ARVCF: variants seen among roughly 807,000 people sequenced by gnomAD.
The protein encoded by ARVCF is splicing regulator ARVCF.
A neutral mutation model predicts 90.9 loss-of-function variants in ARVCF; 66 were observed. The ratio of observed to expected loss-of-function variants is 0.73; its 90% CI spans 0.60 to 0.89. ARVCF has a LOEUF of 0.89. ARVCF is among the 40% of genes least tolerant of loss of function. The probability of loss-of-function intolerance (pLI) is 0.00; values close to 1 mark genes in which losing one functional copy is unlikely to be tolerated. For missense variants in ARVCF, 1,469 were observed against 1,382.3 expected, an observed-to-expected ratio of 1.06 and a Z score of -1.00; for synonymous variants, 653 against 603.4, an observed-to-expected ratio of 1.08 and a Z score of -1.21.
At position 19,990,755 on chromosome 22, in the gene ARVCF, C is replaced by G. The variant is rs200353808; in HGVS notation, c.40G>C (p.Ala14Pro). The change falls in exon 3 of 20, where the codon GCC (alanine) becomes CCC (proline). Residue 14 changes from alanine (A) to proline (P), a missense_variant. Physicochemically the swap from Ala to Pro is conservative, Grantham distance 27. Coordinates refer to ENST00000263207, the MANE Select transcript of ARVCF (RefSeq NM_001670.3). ...CNVHSAASIL[A>P]SVKEQEARFE... ...CGGGCCTCCTGCTCCTTCACCGAGG[C>G]CAGGATGCTGGCGGCCGAGTGCACA... 5.5e-5 allele frequency: 88 copies of G among 1,587,396 alleles called. No homozygotes were observed. Among genetic ancestry groups the G allele is most frequent in the Non-Finnish European group, 7.2e-5 (84 of 1,166,316 alleles).
At chr22:19,967,146 C>A, downstream of ARVCF, 1 of 1,299,698 alleles carries the variant, frequency 7.7e-7, no homozygotes, top group South Asian at 1.2e-5. Context: ...CTCCTTCTTT[C>A]CTGTTTAACT....
chr22:19,992,939 A>G (rs1944083337), intron 2 of ARVCF, among the ~76,000 whole-genome samples: 1 of 152,206 alleles, frequency 6.6e-6, no homozygotes, highest in Admixed American at 6.5e-5. Context: ...CCAAGGCCAC[A>G]GTGGGAAGGT....
rs1223897128 is a variant in ARVCF, at chr22:20,016,746, G to GGCC, written c.-233_-231dup. ...CGGCCGCAACTCGGACCGGTGCGGG[G>GGCC]GCCGCCCCCTCCCTCCAGGCCCAGC... On this transcript the variant is annotated 5_prime_UTR_variant, in exon 1 of 20. Transcript: ENST00000263207. 6.6e-6 allele frequency: 1 copy of GGCC among 151,230 alleles called. No individual in the cohort carries two copies. Among genetic ancestry groups the GGCC allele is most frequent in the Non-Finnish European group, 1.5e-5 (1 of 67,758 alleles). The allele number at this position is 151,230 out of a possible 1,614,324, so 9.4% of individuals were successfully genotyped here.
At position 20,010,441 on chromosome 22, in the gene ARVCF, C is replaced by G. The variant is rs550040006; in HGVS notation, c.-19+14G>C. 2.0e-5 allele frequency: 3 copies of G among 152,356 alleles called. No individual in the cohort carries two copies. The highest frequency in any genetic ancestry group is 2.9e-5 in the Non-Finnish European group (2 of 68,148). 9.4% of individuals were successfully genotyped at this position (152,356 alleles called of 1,614,324 possible). ...TGGGAGAGGATGTCCCCAAGCTAAA[C>G]CCAGGCCACTCACCTGTCTTGAGGG... On this transcript the variant is annotated intron_variant, in intron 2 of 19. Coordinates refer to ENST00000263207, the MANE Select transcript of ARVCF (RefSeq NM_001670.3).
intron 10 of ARVCF, among the ~76,000 whole-genome samples, chr22:19,976,025 C>T (rs767518976): frequency 6.6e-6 from 1 of 152,112 alleles, no homozygotes; most frequent in Non-Finnish European, 1.5e-5. Context: ...GTACCACAGA[C>T]CCTCCCGGTG....
At position 19,971,945 on chromosome 22, in the gene ARVCF, C is replaced by A; in HGVS notation, c.2722G>T (p.Glu908Ter). 1.9e-6 allele frequency: 3 copies of A among 1,612,452 alleles called. No homozygotes were observed. Among genetic ancestry groups the A allele is most frequent in the South Asian group, 1.1e-5 (1 of 91,008 alleles). ...PDGYSTVDRR[E>*]RRPRGASSAG... ...GAGCTGGCGCCCCGTGGCCTCCGCT[C>A]CCTCCGGTCCACCGTGGAGTATCCG... The change falls in exon 18 of 20, where the codon GAG becomes TAG. Residue 908 changes from glutamate to a stop codon, truncating the protein, a stop_gained. Coordinates refer to ENST00000263207, the MANE Select transcript of ARVCF (RefSeq NM_001670.3). LOFTEE classifies it high-confidence loss of function.
Position 19,977,513 on chromosome 22 carries a change from C to T in ARVCF, c.1772G>A (p.Arg591Lys), listed in dbSNP as rs879658384. The change falls in exon 9 of 20, where the codon AGG (arginine) becomes AAG (lysine). Residue 591 changes from arginine to lysine, a missense_variant. Transcript: ENST00000263207. ...GGGCCCGGGCTCGGCCTCCTGGTAC[C>T]TGTCGGCCCCGGGCACCTCCTTGTG... Reference protein sequence around the residue: ...HVHKEVPGADRYQEAEPGPLG... With the variant: ...HVHKEVPGADKYQEAEPGPLG... 11 of 1,599,054 alleles carry T rather than the reference C, an allele frequency of 6.9e-6. No individual in the cohort carries two copies. Among genetic ancestry groups the T allele is most frequent in the Non-Finnish European group, 9.4e-6 (11 of 1,171,816 alleles).
chr22:20,001,920 A>C (rs939251887), intron 2 of ARVCF, among the ~76,000 whole-genome samples: 1 of 152,232 alleles, frequency 6.6e-6, no homozygotes, highest in African/African-American at 2.4e-5. Flanking sequence ...AGGCTGGAGA[A>C]AGTACACTAA....
chr22:19,980,952 G>C, intron 5 of ARVCF: 1 of 475,924 alleles, frequency 2.1e-6, no homozygotes. Context: ...TGGTTACCCA[G>C]AGTGTGGCTG....
chr22:20,003,985 T>A lies in ARVCF; in HGVS notation c.-19+6470A>T, dbSNP rs151074774. Among the ~76,000 whole-genome samples the A allele has an allele frequency of 4.1e-3, 617 of 152,276 alleles. 6 individuals carry two copies. Among genetic ancestry groups the A allele is most frequent in the African/African-American group, 0.014 (585 of 41,550 alleles). ...CCGTAAAGATTCTACATGCATTTTT[T>A]AAAAACTCTATTAGATGTAAAAAAT... is the stretch of plus-strand genomic sequence containing the variant. On this transcript the variant is annotated intron_variant, in intron 2 of 19. Coordinates refer to ENST00000263207, the MANE Select transcript of ARVCF (RefSeq NM_001670.3).
intron 3 of ARVCF, among the ~76,000 whole-genome samples, chr22:19,983,368 G>C (rs1355737202): frequency 6.6e-6 from 1 of 152,230 alleles, no homozygotes; most frequent in Non-Finnish European, 1.5e-5. Context: ...TTGGGCCTGG[G>C]AGGTGAGCCA....
At chr22:19,984,751 G>A (rs956890044) in intron 3 of ARVCF, among the ~76,000 whole-genome samples, 1 of 152,188 alleles carries the variant, frequency 6.6e-6, no homozygotes, top group Non-Finnish European at 1.5e-5. Flanking sequence ...GTCCTCCACC[G>A]TGTATCGGAG....
intron 3 of ARVCF, 148 bp from the exon 4 acceptor site, chr22:19,982,239 G>C (rs1459486745): frequency 9.5e-7 from 1 of 1,056,050 alleles, no homozygotes; most frequent in African/African-American, 1.6e-5. Flanking sequence ...CCACCCCAAG[G>C]CCTGTTTCGG....
chr22:19,975,873 G>T, intron 10 of ARVCF, 116 bp from the exon 11 acceptor site: 2 of 1,046,594 alleles, frequency 1.9e-6, no homozygotes, highest in Non-Finnish European at 1.4e-6. Flanking sequence ...CCATGTCCAG[G>T]CCTGGGCACC....
chr22:19,975,523 T>C (rs904552867), intron 11 of ARVCF, among the ~76,000 whole-genome samples, 163 bp downstream of exon 11: 4 of 152,212 alleles, frequency 2.6e-5, no homozygotes, highest in African/African-American at 9.7e-5. Flanking sequence ...GCAGGTGTCC[T>C]GGTGCTGAAT....
chr22:20,014,285 C>T (rs1009683663), intron 1 of ARVCF, among the ~76,000 whole-genome samples: 2 of 152,164 alleles, frequency 1.3e-5, no homozygotes, highest in African/African-American at 4.8e-5. Flanking sequence ...ACCCTCACCT[C>T]CCCGGTTCAA....
chr22:19,979,092 G>A lies in ARVCF; in HGVS notation c.1397-12C>T, dbSNP rs113571251. ...GTTCCACAGGGTGCCTGTGGGGTGCGATTGGCCAATCTGTGCTGACCATAT... is the reference window on the plus strand; with the variant it reads ...GTTCCACAGGGTGCCTGTGGGGTGCAATTGGCCAATCTGTGCTGACCATAT... On this transcript the variant is annotated splice_polypyrimidine_tract_variant and intron_variant, in intron 6 of 19. Coordinates refer to ENST00000263207, the MANE Select transcript of ARVCF (RefSeq NM_001670.3). 1.9e-5 allele frequency: 30 copies of A among 1,609,110 alleles called. No individual in the cohort carries two copies. Among genetic ancestry groups the A allele is most frequent in the Middle Eastern group, 1.6e-4 (1 of 6,064 alleles).
In ARVCF at chr22:20,013,478, T is replaced by C. The variant is rs192051979; in HGVS notation, c.-72-2970A>G. ...CTCCTTTCCAACTCCACGCCCTCAATAGGCGGCTTGGAGGCCGAGCTCCGG... is the reference window on the plus strand; with the variant it reads ...CTCCTTTCCAACTCCACGCCCTCAACAGGCGGCTTGGAGGCCGAGCTCCGG... On this transcript the variant is annotated intron_variant, in intron 1 of 19. Transcript: ENST00000263207. Among the ~76,000 whole-genome samples, 134 of 152,290 alleles carry C rather than the reference T, an allele frequency of 8.8e-4. 2 individuals carry two copies. In the East Asian group the frequency reaches 0.012, roughly 14 times the overall value.
intron 1 of ARVCF, among the ~76,000 whole-genome samples, chr22:20,011,495 C>T (rs1944830452): frequency 6.6e-6 from 1 of 152,128 alleles, no homozygotes; most frequent in South Asian, 2.1e-4. Flanking sequence ...TTCCCCGTCT[C>T]ACGACAGCCT....
Sources: gnomAD v4.1 joint callset for allele counts (sites outside exome capture counted in the v4.1 genomes callset) on GRCh38, gnomAD v4.1.1 for gene constraint, MANE v1.5 for transcripts, NCBI Gene and HGNC (gene_info 2026-07-23, HGNC 2026-07-21) for gene names.